SLC35F1: variants seen among roughly 807,000 people sequenced by gnomAD.
SLC35F1 encodes the protein chromosome 6 open reading frame 169.
A neutral mutation model predicts 48.7 loss-of-function variants in SLC35F1; 14 were observed. That is an observed-to-expected ratio of 0.29 (90% CI 0.19 to 0.45). SLC35F1 has a LOEUF of 0.45. Ranked by LOEUF, SLC35F1 falls within the 20% of genes least tolerant of loss-of-function variation. The probability of loss-of-function intolerance (pLI) is 1.00; values close to 1 mark genes in which losing one functional copy is unlikely to be tolerated. For missense variants in SLC35F1, 404 were observed against 500.0 expected (o/e 0.81, Z 1.83); for synonymous variants, 190 against 202.2 (o/e 0.94, Z 0.51).
In SLC35F1 at chr6:118,190,441, T is replaced by TA. The variant is rs541433945; in HGVS notation, c.349+35833dup. Among the ~76,000 whole-genome samples the TA allele has an allele frequency of 4.5e-3, 659 of 146,114 alleles. 3 individuals are homozygous for TA. Among genetic ancestry groups the TA allele is most frequent in the South Asian group, 0.018 (82 of 4,618 alleles). On this transcript the variant is annotated intron_variant, in intron 2 of 7. Transcript: ENST00000360388. Reference sequence around the variant, plus strand: ...AAAAATGGACTGCCATAATTTTGCTTAAAAAAAAAAAATCCCCCTTTGGTC... The same window carrying TA: ...AAAAATGGACTGCCATAATTTTGCTTAAAAAAAAAAAAATCCCCCTTTGGTC...
intron 1 of SLC35F1, 60 bp downstream of exon 1, chr6:117,907,959 G>C (rs1000740904): frequency 2.7e-5 from 35 of 1,280,014 alleles, no homozygotes; most frequent in Non-Finnish European, 3.0e-5. Context: ...CCGGCTCCGG[G>C]TCCCCTCCGT....
intron 7 of SLC35F1, among the ~76,000 whole-genome samples, chr6:118,299,574 A>G (rs894487109): frequency 1.3e-5 from 2 of 152,250 alleles, no homozygotes; most frequent in African/African-American, 2.4e-5. Flanking sequence ...CAAGATCTAG[A>G]AGCAGATCTA....
intron 1 of SLC35F1, among the ~76,000 whole-genome samples, chr6:117,988,666 T>C (rs1776879029): frequency 6.6e-6 from 1 of 152,240 alleles, no homozygotes; most frequent in Admixed American, 6.5e-5. Flanking sequence ...TTTGTGATAC[T>C]GAGGAATGTG....
At chr6:118,154,670 A>G (rs1774113960) in intron 2 of SLC35F1, 50 bp downstream of exon 2, 2 of 1,527,562 alleles carry the variant, frequency 1.3e-6, no homozygotes, top group South Asian at 2.6e-5. Flanking sequence ...CACCTAAAAA[A>G]AAGATGAGCC....
chr6:118,134,215 T>C (rs1431076935), intron 1 of SLC35F1, among the ~76,000 whole-genome samples: 1 of 152,214 alleles, frequency 6.6e-6, no homozygotes, highest in Non-Finnish European at 1.5e-5. Flanking sequence ...CTGCTTCTGG[T>C]GGGTGTTTGC....
At chr6:118,047,157 A>G (rs1772312832) in intron 1 of SLC35F1, among the ~76,000 whole-genome samples, 1 of 152,144 alleles carries the variant, frequency 6.6e-6, no homozygotes, top group Non-Finnish European at 1.5e-5. Context: ...TGGTTACTGA[A>G]ACTTTCTGCT....
At chr6:118,092,992 G>A (rs1204655851) in intron 1 of SLC35F1, among the ~76,000 whole-genome samples, 1 of 152,120 alleles carries the variant, frequency 6.6e-6, no homozygotes, top group Non-Finnish European at 1.5e-5. Flanking sequence ...TAAGACTTTG[G>A]GAGACTGTTG....
At chr6:118,055,778 GGA>G (rs1256971002) in intron 1 of SLC35F1, among the ~76,000 whole-genome samples, 1 of 152,178 alleles carries the variant, frequency 6.6e-6, no homozygotes, top group Non-Finnish European at 1.5e-5. Context: ...GAAGTAGACA[GGA>G]GAGAGAGCCA....
At chr6:118,038,483 T>A (rs1772165999) in intron 1 of SLC35F1, among the ~76,000 whole-genome samples, 1 of 152,070 alleles carries the variant, frequency 6.6e-6, no homozygotes, top group Admixed American at 6.5e-5. Context: ...TATATATATC[T>A]TAACAATGTT....
chr6:118,080,428 C>T (rs1422658291), intron 1 of SLC35F1, among the ~76,000 whole-genome samples: 1 of 152,152 alleles, frequency 6.6e-6, no homozygotes, highest in East Asian at 1.9e-4. Flanking sequence ...TGTAGGGTCT[C>T]TTTTCAGATA....
At chr6:118,138,744 C>A (rs1237487585) in intron 1 of SLC35F1, among the ~76,000 whole-genome samples, 1 of 151,800 alleles carries the variant, frequency 6.6e-6, no homozygotes, top group East Asian at 1.9e-4. Context: ...AGTTATTTGA[C>A]CCTGCAGTAT....
At chr6:118,105,800 T>A (rs1024701373) in intron 1 of SLC35F1, among the ~76,000 whole-genome samples, 1 of 152,206 alleles carries the variant, frequency 6.6e-6, no homozygotes, top group Admixed American at 6.5e-5. Flanking sequence ...GTAGATAGTA[T>A]GATGACCTTA....
intron 1 of SLC35F1, among the ~76,000 whole-genome samples, chr6:118,146,915 T>A (rs1052813761): frequency 6.6e-6 from 1 of 152,224 alleles, no homozygotes; most frequent in Non-Finnish European, 1.5e-5. Flanking sequence ...AGAGTTGATG[T>A]GCACAGATCA....
At chr6:118,047,809 A>T (rs1028216504) in intron 1 of SLC35F1, among the ~76,000 whole-genome samples, 1 of 152,158 alleles carries the variant, frequency 6.6e-6, no homozygotes, top group Admixed American at 6.6e-5. Flanking sequence ...GGAGTGGATA[A>T]AGACAAAGAA....
intron 1 of SLC35F1, among the ~76,000 whole-genome samples, chr6:117,908,998 A>T (rs1297615465): frequency 6.6e-6 from 1 of 152,192 alleles, no homozygotes; most frequent in Non-Finnish European, 1.5e-5. Context: ...CTTGAGAAAT[A>T]TCCTTATTTT....
At chr6:117,948,120 C>T (rs1776317730) in intron 1 of SLC35F1, among the ~76,000 whole-genome samples, 1 of 152,006 alleles carries the variant, frequency 6.6e-6, no homozygotes, top group Non-Finnish European at 1.5e-5. Flanking sequence ...AAAGTGTGGC[C>T]AATGGTTTAG....
chr6:117,969,526 G>A (rs1232192092), intron 1 of SLC35F1, among the ~76,000 whole-genome samples: 12 of 152,094 alleles, frequency 7.9e-5, no homozygotes, highest in Admixed American at 7.9e-4. Flanking sequence ...GTTTGAGACT[G>A]ACTCAGGCAA....
At chr6:118,241,411 T>C (rs1331167688) in intron 3 of SLC35F1, among the ~76,000 whole-genome samples, 1 of 152,188 alleles carries the variant, frequency 6.6e-6, no homozygotes, top group Admixed American at 6.5e-5. Context: ...AAAATGTATA[T>C]ATATTGCTGC....
rs191136372 is a variant in SLC35F1, at chr6:118,005,764, C to A, written c.173+97865C>A. On this transcript the variant is annotated intron_variant, in intron 1 of 7. Transcript: ENST00000360388. The stretch of plus-strand genomic sequence containing the variant: ...TTGGCTATCCAAGTCCATGATCTAG[C>A]ACTAACCAATTACCTGACCCACCGT... 3.1e-3 allele frequency among the ~76,000 whole-genome samples: 472 copies of A among 152,278 alleles called. 1 individual carries two copies. The highest frequency in any genetic ancestry group is 0.011 in the African/African-American group (447 of 41,546).
Sources: gnomAD v4.1 joint callset for allele counts (sites outside exome capture counted in the v4.1 genomes callset) on GRCh38, gnomAD v4.1.1 for gene constraint, MANE v1.5 for transcripts, NCBI Gene and HGNC (gene_info 2026-07-23, HGNC 2026-07-21) for gene names.